Variants in CLN6 observed in about 807,000 individuals in gnomAD.
CLN6 encodes CLN6 transmembrane ER protein.
Under a neutral mutation model 33.3 loss-of-function variants are expected in CLN6, and 22 were observed. The ratio of observed to expected loss-of-function variants is 0.66; its 90% CI spans 0.47 to 0.94. The LOEUF (loss-of-function observed/expected upper bound fraction) is 0.94, where lower values mean the gene tolerates loss of function less well. Among genes scored for constraint, CLN6 ranks in the 40% least tolerant of loss-of-function variants. The pLI is 0.00. For missense variants in CLN6, 387 were observed against 417.1 expected (o/e 0.93, Z 0.63); for synonymous variants, 201 against 174.6 (o/e 1.15, Z -1.19).
Position 68,216,822 on chromosome 15 carries a change from G to A in CLN6, c.198+1714C>T, listed in dbSNP as rs374948029. Among the ~76,000 whole-genome samples the A allele has an allele frequency of 7.2e-4, 109 of 152,304 alleles. 2 individuals are homozygous for A. In the South Asian group the frequency reaches 0.022, roughly 30 times the overall value. ...ATTATATCCCTACGGGCAGATTCTC[G>A]GAAGGGTATTACTGGGTCAGAGGGA... On this transcript the variant is annotated intron_variant, in intron 2 of 6. Transcript: ENST00000249806.
chr15:68,239,102 C>G (rs1892258626), intron 1 of CLN6, among the ~76,000 whole-genome samples: 1 of 151,282 alleles, frequency 6.6e-6, no homozygotes, highest in Admixed American at 6.6e-5. Context: ...TCACTAAAAA[C>G]AGAAAATGTG....
At position 68,209,516 on chromosome 15, in the gene CLN6, C is replaced by A; in HGVS notation, c.665+121G>T. On this transcript the variant is annotated intron_variant, in intron 6 of 6. Transcript: ENST00000249806. This position sits in a 1 kb window ranked among gnomAD's most constrained non-coding sequence, Gnocchi z 4.9. ...TCCCCACTAGACACAAGAAGAAGCA[C>A]GGGCCCAAAGAGGGCCAGTCTCCCT... The A allele has an allele frequency of 7.3e-7, 1 of 1,378,858 alleles. No individual in the cohort carries two copies. Among genetic ancestry groups the A allele is most frequent in the Non-Finnish European group, 1.0e-6 (1 of 984,344 alleles). The allele number at this position is 1,378,858 out of a possible 1,614,324, so 85.4% of individuals were successfully genotyped here. A position where few individuals can be genotyped will look rare whatever the true frequency, so the allele number is the denominator to read the frequency against.
In CLN6 at chr15:68,214,631, C is replaced by T. The variant is rs1224094597; in HGVS notation, c.199-243G>A. On this transcript the variant is annotated intron_variant, in intron 2 of 6. Transcript: ENST00000249806. ...CTTGTCCCCAGACACAGAGCAGATG[C>T]AATTCCAGTCAAGGCCTGACCCTGT... 4 of 493,884 alleles carry T rather than the reference C, an allele frequency of 8.1e-6. No individual in the cohort carries two copies. In the East Asian group the frequency reaches 1.5e-4, roughly 19 times the overall value. 30.6% of individuals were successfully genotyped at this position (493,884 alleles called of 1,614,324 possible).
intron 1 of CLN6, among the ~76,000 whole-genome samples, chr15:68,224,265 C>CAAAAAAAAA (rs34196710): frequency 6.4e-5 from 3 of 46,728 alleles, no homozygotes; most frequent in African/African-American, 1.3e-4. Context: ...GACCTTATTG[C>CAAAAAAAAA]AAAAAAAAAA....
rs56977912 is a variant in CLN6 at position 68,219,411 on chromosome 15, G to A, written c.84-761C>T. ...ATCCTCTTCTCAGCAGTCCACAGTAGAACCTGAGAAGGAGCCAGCAGAAGC... is the reference window on the plus strand; with the variant it reads ...ATCCTCTTCTCAGCAGTCCACAGTAAAACCTGAGAAGGAGCCAGCAGAAGC... On this transcript the variant is annotated intron_variant, in intron 1 of 6. Coordinates refer to ENST00000249806, the MANE Select transcript of CLN6 (RefSeq NM_017882.3). This position sits in a 1 kb window ranked among gnomAD's most constrained non-coding sequence, Gnocchi z 4.2. Among the ~76,000 whole-genome samples, 10,150 of 152,012 alleles carry A rather than the reference G, an allele frequency of 0.067. 934 individuals carry two copies. Among genetic ancestry groups the A allele is most frequent in the African/African-American group, 0.21 (8,660 of 41,316 alleles).
Position 68,209,536 on chromosome 15 carries a change from C to G in CLN6, c.665+101G>C. 3 of 1,525,498 alleles carry G rather than the reference C, an allele frequency of 2.0e-6. No individual in the cohort carries two copies. Among genetic ancestry groups the G allele is most frequent in the Non-Finnish European group, 2.7e-6 (3 of 1,114,406 alleles). The allele number at this position is 1,525,498 out of a possible 1,614,324, so 94.5% of individuals were successfully genotyped here. A position where few individuals can be genotyped will look rare whatever the true frequency, so the allele number is the denominator to read the frequency against. On this transcript the variant is annotated intron_variant, in intron 6 of 6. Coordinates refer to ENST00000249806, the MANE Select transcript of CLN6 (RefSeq NM_017882.3). This position sits in a 1 kb window ranked among gnomAD's most constrained non-coding sequence, Gnocchi z 4.9. ...AAGCACGGGCCCAAAGAGGGCCAGT[C>G]TCCCTGGGGCCACACAGCAGGTCCA...
rs553014748 is a variant in CLN6, at chr15:68,219,129, G to C, written c.84-479C>G. Among the ~76,000 whole-genome samples the C allele has an allele frequency of 6.6e-6, 1 of 152,236 alleles. No homozygotes were observed. Among genetic ancestry groups the C allele is most frequent in the South Asian group, 2.1e-4 (1 of 4,826 alleles). ...TCCATTTTAGAAACGAAAAAACTGA[G>C]GCCCAAGAGGCTCAATAACTTGCTC... On this transcript the variant is annotated intron_variant, in intron 1 of 6. Transcript: ENST00000249806. This position sits in a 1 kb window ranked among gnomAD's most constrained non-coding sequence, Gnocchi z 4.2.
At position 68,210,429 on chromosome 15, in the gene CLN6, A is replaced by G. The variant is rs2093201703; in HGVS notation, c.543-670T>C. On this transcript the variant is annotated intron_variant, in intron 5 of 6. Transcript: ENST00000249806. This position sits in a 1 kb window ranked among gnomAD's most constrained non-coding sequence, Gnocchi z 5.6. ...GCAAAGGCCAGGGAAAGATGGCAGG[A>G]GGCCTGTCCAGGGACCCTGGACCAG... 6.6e-6 allele frequency among the ~76,000 whole-genome samples: 1 copy of G among 152,160 alleles called. No homozygotes were observed. The highest frequency in any genetic ancestry group is 1.5e-5 in the Non-Finnish European group (1 of 68,010).
intron 1 of CLN6, among the ~76,000 whole-genome samples, chr15:68,237,356 A>G (rs1892230984): frequency 6.6e-6 from 1 of 151,902 alleles, no homozygotes; most frequent in Non-Finnish European, 1.5e-5. Context: ...CTGTTGTGGC[A>G]TGCTCCGGTA....
rs1413608661 is a variant in CLN6 at position 68,208,132 on chromosome 15, C to G, written c.*8G>C. 15 of 980,242 alleles carry G rather than the reference C, an allele frequency of 1.5e-5. No individual in the cohort carries two copies. The highest frequency in any genetic ancestry group is 3.4e-5 in the African/African-American group (2 of 58,332). The allele number at this position is 980,242 out of a possible 1,614,324, so 60.7% of individuals were successfully genotyped here. ...CCCAGCAGAGCGCCAGAGCCTGGTG[C>G]CAGGGACTCAGTGCCGACTGCTGAC... On this transcript the variant is annotated 3_prime_UTR_variant, in exon 7 of 7. Coordinates refer to ENST00000249806, the MANE Select transcript of CLN6 (RefSeq NM_017882.3). The surrounding 1 kb of genome is among the most constrained non-coding windows in gnomAD (Gnocchi z 5.8).
rs2093200898 is a variant in CLN6, at chr15:68,210,223, A to C, written c.543-464T>G. Among the ~76,000 whole-genome samples the C allele has an allele frequency of 6.8e-6, 1 of 147,686 alleles. No individual in the cohort carries two copies. ...GCACACAGCCCCACCCCCACCTCAGACACCTCACCCCAAAATACTACCCTC... is the reference window on the plus strand; with the variant it reads ...GCACACAGCCCCACCCCCACCTCAGCCACCTCACCCCAAAATACTACCCTC... On this transcript the variant is annotated intron_variant, in intron 5 of 6. Coordinates refer to ENST00000249806, the MANE Select transcript of CLN6 (RefSeq NM_017882.3). The surrounding 1 kb of genome is among the most constrained non-coding windows in gnomAD (Gnocchi z 5.6).
At position 68,208,094 on chromosome 15, in the gene CLN6, G is replaced by T; in HGVS notation, c.*46C>A. On this transcript the variant is annotated 3_prime_UTR_variant, in exon 7 of 7. Transcript: ENST00000249806. This position sits in a 1 kb window ranked among gnomAD's most constrained non-coding sequence, Gnocchi z 5.8. The stretch of plus-strand genomic sequence containing the variant: ...CTCCTGTATTCAGATGCCCTCCATG[G>T]CCCACCCTCCCACCCAGCAGAGCGC... 3.6e-6 allele frequency: 5 copies of T among 1,375,260 alleles called. No homozygotes were observed. The highest frequency in any genetic ancestry group is 3.0e-6 in the Non-Finnish European group (3 of 992,016). The allele number at this position is 1,375,260 out of a possible 1,614,324, so 85.2% of individuals were successfully genotyped here. A position where few individuals can be genotyped will look rare whatever the true frequency, so the allele number is the denominator to read the frequency against.
chr15:68,234,156 A>G (rs1009782060), upstream of CLN6, among the ~76,000 whole-genome samples: 1 of 152,184 alleles, frequency 6.6e-6, no homozygotes, highest in Non-Finnish European at 1.5e-5. This position sits in a 1 kb window ranked among gnomAD's most constrained non-coding sequence, Gnocchi z 4.1. Context: ...GGAAGGCACC[A>G]CCCACAACAC....
chr15:68,245,488 C>G (rs77288984), intron 1 of CLN6, among the ~76,000 whole-genome samples: 1 of 151,922 alleles, frequency 6.6e-6, no homozygotes, highest in Non-Finnish European at 1.5e-5. Flanking sequence ...TCACCTGAGT[C>G]GAGGGAAGTT....
At position 68,236,828 on chromosome 15, in the gene CLN6, G is replaced by A. The variant is rs1282092014; in HGVS notation, c.180-18178C>T. Among the ~76,000 whole-genome samples, 3 of 152,216 alleles carry A rather than the reference G, an allele frequency of 2.0e-5. No homozygotes were observed. Among genetic ancestry groups the A allele is most frequent in the Non-Finnish European group, 4.4e-5 (3 of 68,044 alleles). ...GACATATCTGAAAAATAAGCAAATA[G>A]AAATTTTAGAGCTTAACAATTTGTT... On this transcript the variant is annotated intron_variant, in intron 1 of 6. Coordinates refer to the CLN6 transcript ENST00000538696. This position sits in a 1 kb window ranked among gnomAD's most constrained non-coding sequence, Gnocchi z 4.5.
In CLN6 at chr15:68,211,166, G is replaced by A. The variant is rs527625010; in HGVS notation, c.542+97C>T. On this transcript the variant is annotated intron_variant, in intron 5 of 6. Coordinates refer to ENST00000249806, the MANE Select transcript of CLN6 (RefSeq NM_017882.3). This position sits in a 1 kb window ranked among gnomAD's most constrained non-coding sequence, Gnocchi z 5.9. ...GATGAGACTCAACACATGGAGACCC[G>A]CAGCCCAGACAGCCTTGCTCAGTGT... 50 of 1,035,706 alleles carry A rather than the reference G, an allele frequency of 4.8e-5. 1 individual carries two copies. Among genetic ancestry groups the A allele is most frequent in the East Asian group, 1.7e-4 (7 of 42,238 alleles). The allele number at this position is 1,035,706 out of a possible 1,614,324, so 64.2% of individuals were successfully genotyped here. A position where few individuals can be genotyped will look rare whatever the true frequency, so the allele number is the denominator to read the frequency against.
rs2141154964 is a variant in CLN6 at position 68,228,214 on chromosome 15, G to A, written c.83+1288C>T. ...CAGCTGCTCAGCCCGCATGTCCGCA[G>A]CAGCAGAAACGAGCCATCCCTCACC... On this transcript the variant is annotated intron_variant, in intron 1 of 6. Transcript: ENST00000249806. The surrounding 1 kb of genome is among the most constrained non-coding windows in gnomAD (Gnocchi z 4.4). Among the ~76,000 whole-genome samples the A allele has an allele frequency of 6.6e-6, 1 of 152,304 alleles. No homozygotes were observed. Among genetic ancestry groups the A allele is most frequent in the African/African-American group, 2.4e-5 (1 of 41,568 alleles).
Position 68,208,152 on chromosome 15 carries a change from G to C in CLN6, c.924C>G (p.Ser308Arg). Residue 308 changes from serine (S) to arginine (R), a missense_variant, in exon 7 of 7, where the codon AGC becomes AGG. Coordinates refer to ENST00000249806, the MANE Select transcript of CLN6 (RefSeq NM_017882.3). This position sits in a 1 kb window ranked among gnomAD's most constrained non-coding sequence, Gnocchi z 5.8. Reference sequence around the variant, plus strand: ...TGGTGCCAGGGACTCAGTGCCGACTGCTGACGTGAAGGGTGTAGAAAGCCC... The same window carrying C: ...TGGTGCCAGGGACTCAGTGCCGACTCCTGACGTGAAGGGTGTAGAAAGCCC... ...EPWAFYTLHV[S>R]SRH 1 of 1,586,180 alleles carries C rather than the reference G, an allele frequency of 6.3e-7. No homozygotes were observed. Among genetic ancestry groups the C allele is most frequent in the Non-Finnish European group, 8.6e-7 (1 of 1,163,246 alleles).
rs533034728 is a variant in CLN6 at position 68,211,633 on chromosome 15, T to A, written c.486+42A>T. 4.1e-5 allele frequency: 66 copies of A among 1,611,002 alleles called. No individual in the cohort carries two copies. In the South Asian group the frequency reaches 6.8e-4, roughly 17 times the overall value. On this transcript the variant is annotated intron_variant, in intron 4 of 6. Transcript: ENST00000249806. This position sits in a 1 kb window ranked among gnomAD's most constrained non-coding sequence, Gnocchi z 5.9. Reference sequence around the variant, plus strand: ...TTCTTCAGCCTCCCAGGACAGACTGTGCTCCTAGGGCTTACAGGCAGGGAG... The same window carrying A: ...TTCTTCAGCCTCCCAGGACAGACTGAGCTCCTAGGGCTTACAGGCAGGGAG...
Sources: gnomAD v4.1 joint callset for allele counts (sites outside exome capture counted in the v4.1 genomes callset) on GRCh38, gnomAD v4.1.1 for gene constraint, Gnocchi (gnomAD v3.1) non-coding constraint, MANE v1.5 for transcripts, NCBI Gene and HGNC (gene_info 2026-07-23, HGNC 2026-07-21) for gene names.